ATG7: variants seen among roughly 807,000 people sequenced by gnomAD.
The protein encoded by ATG7 is ubiquitin-like modifier-activating enzyme ATG7.
ATG7 carries 70 observed loss-of-function variants against 82.4 expected under a neutral mutation model. The ratio of observed to expected loss-of-function variants is 0.85; its 90% CI spans 0.70 to 1.04. ATG7 has a LOEUF of 1.04. Ranked by LOEUF, ATG7 falls within the 50% of genes least tolerant of loss-of-function variation. The pLI is 0.00. For missense variants in ATG7, 792 were observed against 864.3 expected (o/e 0.92, Z 1.05); for synonymous variants, 287 against 313.0 (o/e 0.92, Z 0.88).
chr3:11,476,207 T>C (rs189362061), intron 20 of ATG7, among the ~76,000 whole-genome samples: 174 of 152,330 alleles, frequency 1.1e-3, no homozygotes, highest in Non-Finnish European at 1.2e-3. Flanking sequence ...TTCTGGCTTT[T>C]TCTTTTCCTT....
intron 14 of ATG7, among the ~76,000 whole-genome samples, chr3:11,349,301 G>A (rs945222521): frequency 1.3e-5 from 2 of 152,210 alleles, no homozygotes; most frequent in Non-Finnish European, 2.9e-5. Context: ...CACTTTGGGA[G>A]GCTAAGGCAG....
At chr3:11,409,835 A>G (rs902601114) in intron 19 of ATG7, among the ~76,000 whole-genome samples, 1 of 148,126 alleles carries the variant, frequency 6.8e-6, no homozygotes, top group South Asian at 2.1e-4. Flanking sequence ...TGAACAGATT[A>G]TCTTTTCTGC....
chr3:11,535,801 A>G (rs2070234727), intron 20 of ATG7, among the ~76,000 whole-genome samples: 1 of 152,204 alleles, frequency 6.6e-6, no homozygotes, highest in Admixed American at 6.5e-5. Flanking sequence ...GGGGCATTTC[A>G]GAACTCCCGT....
At chr3:11,357,143 A>G (rs1007901494) in intron 14 of ATG7, among the ~76,000 whole-genome samples, 5 of 152,188 alleles carry the variant, frequency 3.3e-5, no homozygotes, top group Non-Finnish European at 7.3e-5. Flanking sequence ...AATGAGTGAA[A>G]AAGCTGATGT....
At chr3:11,459,516 G>C (rs774709606) in intron 20 of ATG7, among the ~76,000 whole-genome samples, 3 of 149,602 alleles carry the variant, frequency 2.0e-5, no homozygotes, top group Non-Finnish European at 4.4e-5. Flanking sequence ...TTTTTTAAGT[G>C]ATTATGTTAG....
chr3:11,467,374 T>C (rs78696987), intron 20 of ATG7, among the ~76,000 whole-genome samples: 1,812 of 152,274 alleles, frequency 0.012, 35 homozygotes, highest in African/African-American at 0.041. Context: ...AACCGTAATT[T>C]GTTTTGTTTC....
intron 20 of ATG7, among the ~76,000 whole-genome samples, chr3:11,537,307 CCCATTTTTTT>C (rs1336353689): frequency 1.3e-5 from 2 of 152,138 alleles, no homozygotes; most frequent in African/African-American, 4.8e-5. Flanking sequence ...CACCTCTCAC[CCCATTTTTTT>C]CCTATATTTT....
intron 16 of ATG7, among the ~76,000 whole-genome samples, chr3:11,362,593 T>C (rs1346164049): frequency 2.6e-5 from 4 of 152,344 alleles, no homozygotes; most frequent in Admixed American, 6.5e-5. Flanking sequence ...TTTAGGCTAC[T>C]GATCCTTTTT....
intron 15 of ATG7, among the ~76,000 whole-genome samples, chr3:11,360,355 G>A (rs1441313638): frequency 2.0e-5 from 3 of 152,154 alleles, no homozygotes; most frequent in African/African-American, 7.2e-5. Context: ...TCTGTTATGA[G>A]TTTCAAATGA....
chr3:11,281,737 G>A (rs1488577911), intron 2 of ATG7, among the ~76,000 whole-genome samples: 1 of 146,932 alleles, frequency 6.8e-6, no homozygotes, highest in Non-Finnish European at 1.5e-5. Context: ...TCGTGCCATT[G>A]CACTCTAACC....
intron 18 of ATG7, among the ~76,000 whole-genome samples, chr3:11,367,423 G>A (rs1356147055): frequency 6.6e-6 from 1 of 152,318 alleles, no homozygotes; most frequent in East Asian, 1.9e-4. Flanking sequence ...ATTGGCCCCT[G>A]TGGAAGAGAT....
intron 1 of ATG7, among the ~76,000 whole-genome samples, chr3:11,279,989 T>G (rs1272468301): frequency 6.6e-6 from 1 of 152,112 alleles, no homozygotes; most frequent in Non-Finnish European, 1.5e-5. Context: ...GGGACAAGTA[T>G]GTAACATAAC....
chr3:11,360,596 G>A lies in ATG7; in HGVS notation c.1495G>A (p.Ala499Thr), dbSNP rs2076224569. 1 of 1,613,664 alleles carries A rather than the reference G, an allele frequency of 6.2e-7. No individual in the cohort carries two copies. The highest frequency in any genetic ancestry group is 1.3e-5 in the African/African-American group (1 of 74,902). Residue 499 changes from alanine (A) to threonine (T), a missense_variant, in exon 16 of 21, where the codon GCT becomes ACT. By Grantham distance (58) the Ala-to-Thr change is moderately conservative. Transcript: ENST00000693202. ...AAACCTGCAGCTGGTCATCAATGCT[G>A]CTTTGGGATTTGACACATTTGTTGT... ...ASKRKLVINA[A>T]LGFDTFVVMR...
At chr3:11,352,783 G>T (rs552326555) in intron 14 of ATG7, among the ~76,000 whole-genome samples, 46 of 152,296 alleles carry the variant, frequency 3.0e-4, no homozygotes, top group Admixed American at 1.7e-3. Context: ...GACAAGTGTG[G>T]GGCATGTGCC....
rs576557973 is a variant in ATG7, at chr3:11,523,220, T to C, written c.2080-31591T>C. Among the ~76,000 whole-genome samples the C allele has an allele frequency of 4.1e-4, 62 of 152,330 alleles. No individual in the cohort carries two copies. In the South Asian group the frequency reaches 0.013, roughly 31 times the overall value. On this transcript the variant is annotated intron_variant, in intron 20 of 20. Coordinates refer to ENST00000693202, the MANE Select transcript of ATG7 (RefSeq NM_001349232.2). ...AAATATTTGGCCTATTAACTAAAATTAGTACCTTTCCATTTCTTCTCTTTC... is the reference window on the plus strand; with the variant it reads ...AAATATTTGGCCTATTAACTAAAATCAGTACCTTTCCATTTCTTCTCTTTC...
chr3:11,405,723 G>A (rs1381010425), intron 19 of ATG7, among the ~76,000 whole-genome samples: 1 of 151,972 alleles, frequency 6.6e-6, no homozygotes, highest in East Asian at 1.9e-4. Context: ...AACTTCCCAG[G>A]CTCAGGTGAT....
At chr3:11,452,875 A>T (rs2085330945) in intron 20 of ATG7, among the ~76,000 whole-genome samples, 1 of 152,220 alleles carries the variant, frequency 6.6e-6, no homozygotes, top group Non-Finnish European at 1.5e-5. Context: ...TACCAGCAAT[A>T]TTTCACATTT....
intron 20 of ATG7, among the ~76,000 whole-genome samples, chr3:11,455,185 A>T (rs1216942525): frequency 6.6e-6 from 1 of 152,238 alleles, no homozygotes; most frequent in African/African-American, 2.4e-5. Context: ...TAGAAACTAA[A>T]GCAGTGTAGA....
chr3:11,388,761 C>T (rs886553695), intron 19 of ATG7, among the ~76,000 whole-genome samples: 1 of 151,938 alleles, frequency 6.6e-6, no homozygotes, highest in Non-Finnish European at 1.5e-5. Context: ...ATAGTACATT[C>T]ATCTTCATCC....
Sources: allele counts gnomAD v4.1 joint callset (sites outside exome capture counted in the v4.1 genomes callset), GRCh38; gene constraint gnomAD v4.1.1; transcripts MANE v1.5; gene names NCBI Gene and HGNC (gene_info 2026-07-23, HGNC 2026-07-21).